Variants in TMEM132D observed in about 807,000 individuals in gnomAD.
The protein encoded by TMEM132D is transmembrane protein 132D.
A neutral mutation model predicts 62.3 loss-of-function variants in TMEM132D; 21 were observed. The observed-to-expected ratio is 0.34, with a 90% confidence interval of 0.24 to 0.49. The LOEUF (loss-of-function observed/expected upper bound fraction) is 0.49, where lower values mean the gene tolerates loss of function less well. Ranked by LOEUF, TMEM132D falls within the 20% of genes least tolerant of loss-of-function variation. The probability of loss-of-function intolerance (pLI) is 0.99; values close to 1 mark genes in which losing one functional copy is unlikely to be tolerated. For synonymous variants in TMEM132D, 621 were observed against 575.6 expected, an observed-to-expected ratio of 1.08 and a Z score of -1.13; for missense variants, 1,346 against 1,402.8, an observed-to-expected ratio of 0.96 and a Z score of 0.65.
chr12:129,525,452 T>C (rs1007887432), intron 3 of TMEM132D, among the ~76,000 whole-genome samples: 21 of 152,054 alleles, frequency 1.4e-4, no homozygotes, highest in African/African-American at 4.1e-4. Context: ...ATCTTGTACT[T>C]TGGCAAATTT....
chr12:129,127,852 G>T (rs924456133), intron 5 of TMEM132D, among the ~76,000 whole-genome samples: 4 of 152,186 alleles, frequency 2.6e-5, no homozygotes, highest in Admixed American at 2.6e-4. Flanking sequence ...AACTGCACTG[G>T]TTACTGCCAG....
At chr12:129,228,135 G>C (rs140436850) in intron 4 of TMEM132D, among the ~76,000 whole-genome samples, 1 of 82,436 alleles carries the variant, frequency 1.2e-5, no homozygotes, top group African/African-American at 5.6e-5. Flanking sequence ...AGCATGAGAC[G>C]TGTGTTTTGG....
In TMEM132D at chr12:129,678,926, C is replaced by T. The variant is rs576345430; in HGVS notation, c.968+20884G>A. ...AGTAGCTTCGTCATACAAAATCTCA[C>T]ATTTTCATAGGTCTGTTTTTGGGCT... On this transcript the variant is annotated intron_variant, in intron 2 of 8. Transcript: ENST00000422113. Among the ~76,000 whole-genome samples the T allele has an allele frequency of 3.2e-3, 481 of 152,078 alleles. 2 individuals are homozygous for T. Among genetic ancestry groups the T allele is most frequent in the Non-Finnish European group, 4.7e-3 (319 of 67,914 alleles).
At chr12:129,112,294 G>A (rs1043185033) in intron 5 of TMEM132D, among the ~76,000 whole-genome samples, 5 of 152,184 alleles carry the variant, frequency 3.3e-5, no homozygotes, top group Admixed American at 1.3e-4. Context: ...AGCCCATGTA[G>A]GAACCAGGGT....
chr12:129,141,644 AG>A (rs1301523944), intron 5 of TMEM132D, among the ~76,000 whole-genome samples: 2 of 152,182 alleles, frequency 1.3e-5, no homozygotes, highest in Non-Finnish European at 2.9e-5. Flanking sequence ...GTGATTAAAA[AG>A]TAGGCCTAAT....
At chr12:129,439,669 G>C (rs2135720445) in intron 3 of TMEM132D, among the ~76,000 whole-genome samples, 1 of 152,260 alleles carries the variant, frequency 6.6e-6, no homozygotes, top group African/African-American at 2.4e-5. Flanking sequence ...GGCTGGTCTG[G>C]AACTGCTGAC....
At chr12:129,494,039 T>C (rs1874877512) in intron 3 of TMEM132D, among the ~76,000 whole-genome samples, 1 of 152,142 alleles carries the variant, frequency 6.6e-6, no homozygotes, top group Non-Finnish European at 1.5e-5. Context: ...AGTCAGGAGC[T>C]CAGGAGTTCC....
At chr12:129,238,515 T>C (rs1174082126) in intron 4 of TMEM132D, among the ~76,000 whole-genome samples, 1 of 152,216 alleles carries the variant, frequency 6.6e-6, no homozygotes, top group Non-Finnish European at 1.5e-5. Flanking sequence ...GCAATCACCA[T>C]TCCACTTTTT....
intron 5 of TMEM132D, among the ~76,000 whole-genome samples, chr12:129,143,691 C>A (rs1313186048): frequency 1.3e-5 from 2 of 152,058 alleles, no homozygotes; most frequent in East Asian, 3.9e-4. Context: ...AGAGGAGTGG[C>A]CAGGCAGAGT....
chr12:129,429,691 G>T (rs559726760), intron 3 of TMEM132D, among the ~76,000 whole-genome samples: 9 of 149,642 alleles, frequency 6.0e-5, no homozygotes, highest in Non-Finnish European at 1.2e-4. Flanking sequence ...CCATTAACTC[G>T]TCACTTAGCA....
intron 1 of TMEM132D, among the ~76,000 whole-genome samples, chr12:129,750,750 T>A (rs1241048333): frequency 1.3e-5 from 2 of 152,076 alleles, no homozygotes; most frequent in African/African-American, 4.8e-5. Context: ...AGAGGAGGCA[T>A]CAGTTCTGCT....
chr12:129,609,780 C>A (rs558476971), intron 2 of TMEM132D, among the ~76,000 whole-genome samples: 1 of 152,256 alleles, frequency 6.6e-6, no homozygotes, highest in Non-Finnish European at 1.5e-5. Flanking sequence ...CAACGTGGAA[C>A]GGAAACCACA....
intron 5 of TMEM132D, among the ~76,000 whole-genome samples, chr12:129,144,506 C>A (rs1240002343): frequency 6.6e-6 from 1 of 152,150 alleles, no homozygotes; most frequent in Non-Finnish European, 1.5e-5. Context: ...CAGACACCCA[C>A]CCGACAGCCC....
At chr12:129,684,862 C>G (rs1880868336) in intron 2 of TMEM132D, among the ~76,000 whole-genome samples, 1 of 152,006 alleles carries the variant, frequency 6.6e-6, no homozygotes, top group African/African-American at 2.4e-5. Context: ...TCTTGCAATG[C>G]TTTAGCAAAG....
At chr12:129,595,148 T>C (rs1878300893) in intron 2 of TMEM132D, among the ~76,000 whole-genome samples, 1 of 152,164 alleles carries the variant, frequency 6.6e-6, no homozygotes, top group Admixed American at 6.5e-5. Flanking sequence ...AAAATTAATG[T>C]GAACAGGAAG....
chr12:129,869,335 G>A (rs1282449997), intron 1 of TMEM132D, among the ~76,000 whole-genome samples: 1 of 152,254 alleles, frequency 6.6e-6, no homozygotes, highest in East Asian at 1.9e-4. Flanking sequence ...ATACCTGGGG[G>A]CATTGGTGGT....
chr12:129,872,493 T>C (rs568156182), intron 1 of TMEM132D, among the ~76,000 whole-genome samples: 30 of 152,224 alleles, frequency 2.0e-4, no homozygotes, highest in Non-Finnish European at 4.1e-4. Context: ...GCTTTTCAAC[T>C]GACTGCAGAA....
chr12:129,334,694 A>T (rs1869219797), intron 4 of TMEM132D, among the ~76,000 whole-genome samples: 1 of 152,166 alleles, frequency 6.6e-6, no homozygotes, highest in Non-Finnish European at 1.5e-5. Flanking sequence ...GGTTCAAGCC[A>T]TTCTCCTGCC....
chr12:129,426,438 T>C (rs1376611668), intron 3 of TMEM132D, among the ~76,000 whole-genome samples: 1 of 148,450 alleles, frequency 6.7e-6, no homozygotes, highest in Non-Finnish European at 1.5e-5. Context: ...TTCAGGATTC[T>C]GTAAGTAAGA....
Sources: gnomAD v4.1 joint callset for allele counts (sites outside exome capture counted in the v4.1 genomes callset) on GRCh38, gnomAD v4.1.1 for gene constraint, MANE v1.5 for transcripts, NCBI Gene and HGNC (gene_info 2026-07-23, HGNC 2026-07-21) for gene names.